The following VAT1L variants were observed in gnomAD, a reference collection of about 807,000 sequenced individuals.
The protein encoded by VAT1L is vesicle amine transport 1 like, also known as putative NADPH-dependent quinone oxidoreductase VAT1L.
VAT1L carries 34 observed loss-of-function variants against 44.1 expected under a neutral mutation model. The observed-to-expected ratio is 0.77, with a 90% CI of 0.59 to 1.03. VAT1L has a LOEUF of 1.03. Among genes scored for constraint, VAT1L ranks in the 50% least tolerant of loss-of-function variants. The pLI, the probability that VAT1L is intolerant of heterozygous loss-of-function variation, is 0.00. For synonymous variants in VAT1L, 253 were observed against 202.2 expected, an observed-to-expected ratio of 1.25 and a Z score of -2.13; for missense variants, 615 against 538.8, an observed-to-expected ratio of 1.14 and a Z score of -1.40.
At chr16:77,853,389 T>C (rs1034708030) in intron 3 of VAT1L, among the ~76,000 whole-genome samples, 5 of 152,206 alleles carry the variant, frequency 3.3e-5, no homozygotes, top group African/African-American at 1.2e-4. Flanking sequence ...GATGCCTTTA[T>C]AGAGCAGTGG....
At chr16:77,821,980 G>A (rs1221564946) in intron 2 of VAT1L, among the ~76,000 whole-genome samples, 2 of 152,168 alleles carry the variant, frequency 1.3e-5, no homozygotes, top group African/African-American at 2.4e-5. Flanking sequence ...GCACTTTCTC[G>A]TGTTTCCTGC....
chr16:77,829,584 G>A (rs1013432059), intron 3 of VAT1L, among the ~76,000 whole-genome samples: 6 of 152,252 alleles, frequency 3.9e-5, no homozygotes, highest in Admixed American at 1.3e-4. Flanking sequence ...ATGACAAGAT[G>A]GCCCCAAATG....
At chr16:77,806,172 T>A (rs1181518891) in intron 1 of VAT1L, among the ~76,000 whole-genome samples, 2 of 151,388 alleles carry the variant, frequency 1.3e-5, no homozygotes, top group Non-Finnish European at 1.5e-5. Context: ...CTCTGCCCCC[T>A]TTTTAAATTC....
intron 3 of VAT1L, among the ~76,000 whole-genome samples, chr16:77,847,574 G>A (rs989946162): frequency 2.0e-5 from 3 of 152,186 alleles, no homozygotes; most frequent in Admixed American, 6.5e-5. Context: ...GCAGTGTGAC[G>A]TGCAATACCA....
At chr16:77,963,010 G>C (rs1222273248) in intron 7 of VAT1L, among the ~76,000 whole-genome samples, 2 of 152,178 alleles carry the variant, frequency 1.3e-5, no homozygotes, top group Non-Finnish European at 2.9e-5. Flanking sequence ...ACAGCTTTCA[G>C]AAATCGAGTA....
intron 7 of VAT1L, among the ~76,000 whole-genome samples, chr16:77,917,693 G>A (rs2017565788): frequency 1.3e-5 from 2 of 152,116 alleles, no homozygotes; most frequent in African/African-American, 2.4e-5. Context: ...AATAATCTAA[G>A]GTTCCCTCCA....
intron 1 of VAT1L, among the ~76,000 whole-genome samples, chr16:77,815,388 G>A (rs1255562935): frequency 1.3e-5 from 2 of 152,140 alleles, no homozygotes; most frequent in African/African-American, 2.4e-5. Context: ...TGCATGCCAG[G>A]CACACTGGAA....
chr16:77,971,752 T>A, intron 7 of VAT1L, 98 bp from the exon 8 acceptor site: 2 of 1,300,396 alleles, frequency 1.5e-6, no homozygotes, highest in South Asian at 2.9e-5. Context: ...CGCAGCGCCC[T>A]CTGGTGGTCA....
At chr16:77,791,044 G>C (rs1267101370) in intron 1 of VAT1L, among the ~76,000 whole-genome samples, 4 of 152,186 alleles carry the variant, frequency 2.6e-5, no homozygotes, top group East Asian at 1.9e-4. Context: ...AAACAGCCCA[G>C]ATTGATTTTC....
chr16:77,910,140 C>T (rs1483266153), intron 7 of VAT1L, among the ~76,000 whole-genome samples: 1 of 152,210 alleles, frequency 6.6e-6, no homozygotes, highest in Non-Finnish European at 1.5e-5. Flanking sequence ...TCCCTGAAGT[C>T]CTACTTGATT....
intron 7 of VAT1L, among the ~76,000 whole-genome samples, chr16:77,889,017 CT>C (rs1286967201): frequency 2.6e-5 from 4 of 152,186 alleles, no homozygotes. Flanking sequence ...CCAAACGTGG[CT>C]GTTTATCAAG....
intron 7 of VAT1L, among the ~76,000 whole-genome samples, chr16:77,902,742 G>T (rs1198080596): frequency 6.9e-6 from 1 of 145,368 alleles, no homozygotes; most frequent in African/African-American, 2.6e-5. Flanking sequence ...TGGGGGGGGT[G>T]TGGATCACCT....
chr16:77,801,197 C>G (rs1476213365), intron 1 of VAT1L: 1 of 66,460 alleles, frequency 1.5e-5, no homozygotes, highest in Non-Finnish European at 3.7e-5. Context: ...ATGGTGATCC[C>G]TGTGATACCA....
chr16:77,863,042 G>C, intron 4 of VAT1L, 152 bp downstream of exon 4: 5 of 955,364 alleles, frequency 5.2e-6, no homozygotes, highest in Non-Finnish European at 7.5e-6. Context: ...TATTTCACAC[G>C]CATTAGTTCA....
chr16:77,928,229 G>A (rs2017691153), intron 7 of VAT1L, among the ~76,000 whole-genome samples: 1 of 152,158 alleles, frequency 6.6e-6, no homozygotes, highest in African/African-American at 2.4e-5. Flanking sequence ...AAGTCCCAGG[G>A]AAGCCAACAT....
chr16:77,940,340 GTTTTTT>G (rs66546770), intron 7 of VAT1L, among the ~76,000 whole-genome samples: 1,207 of 112,508 alleles, frequency 0.011, 18 homozygotes, highest in African/African-American at 0.039. Context: ...ATACCACTTG[GTTTTTT>G]TTTTTTTTTT....
At chr16:77,977,196 A>T (rs1359073213) in intron 8 of VAT1L, among the ~76,000 whole-genome samples, 1 of 152,128 alleles carries the variant, frequency 6.6e-6, no homozygotes, top group Non-Finnish European at 1.5e-5. Context: ...CTTAGCCATA[A>T]CATGGCTTCC....
At chr16:77,796,813 A>G (rs1379768636) in intron 1 of VAT1L, among the ~76,000 whole-genome samples, 2 of 152,220 alleles carry the variant, frequency 1.3e-5, no homozygotes, top group Non-Finnish European at 1.5e-5. Flanking sequence ...ATGGAATGAA[A>G]TCATGTCTTT....
Position 77,937,882 on chromosome 16 carries a change from C to G in VAT1L, c.1078-33968C>G, listed in dbSNP as rs551378552. Among the ~76,000 whole-genome samples the G allele has an allele frequency of 2.0e-5, 3 of 152,328 alleles. No individual in the cohort carries two copies. The South Asian group carries it at 6.2e-4, about 32-fold the overall frequency. Reference sequence around the variant, plus strand: ...AGAAGAGACAGAGAGTTGAAAATTACCGAAGGAAACTTGCCCAAATACTTA... The same window carrying G: ...AGAAGAGACAGAGAGTTGAAAATTAGCGAAGGAAACTTGCCCAAATACTTA... On this transcript the variant is annotated intron_variant, in intron 7 of 8. Transcript: ENST00000302536.
Sources: gnomAD v4.1 joint callset for allele counts (sites outside exome capture counted in the v4.1 genomes callset) on GRCh38, gnomAD v4.1.1 for gene constraint, MANE v1.5 for transcripts, NCBI Gene and HGNC (gene_info 2026-07-23, HGNC 2026-07-21) for gene names.